The following PHKB variants were observed in gnomAD, a reference collection of about 807,000 sequenced individuals.
PHKB encodes the protein phosphorylase kinase regulatory subunit beta.
Under a neutral mutation model 152.1 loss-of-function variants are expected in PHKB, and 122 were observed. The observed-to-expected ratio is 0.80, with a 90% confidence interval of 0.69 to 0.93. The LOEUF is 0.93. Among genes scored for constraint, PHKB ranks in the 40% least tolerant of loss-of-function variants. The pLI is 0.00. For missense variants in PHKB, 1,304 were observed against 1,328.4 expected, an observed-to-expected ratio of 0.98 and a Z score of 0.29; for synonymous variants, 436 against 464.9, an observed-to-expected ratio of 0.94 and a Z score of 0.80.
intron 20 of PHKB, among the ~76,000 whole-genome samples, chr16:47,654,805 G>T (rs1168745418): frequency 2.0e-5 from 3 of 147,830 alleles, no homozygotes; most frequent in Admixed American, 1.4e-4. Flanking sequence ...CCTGTTGTGT[G>T]GTGGGGGGAG....
chr16:47,636,737 C>T (rs2151724075), intron 14 of PHKB, among the ~76,000 whole-genome samples: 1 of 152,300 alleles, frequency 6.6e-6, no homozygotes, highest in East Asian at 1.9e-4. Flanking sequence ...TTGTTGTGGG[C>T]CTGCAGGTAT....
intron 26 of PHKB, among the ~76,000 whole-genome samples, chr16:47,679,460 T>C (rs1046099098): frequency 6.6e-6 from 1 of 152,214 alleles, no homozygotes; most frequent in East Asian, 1.9e-4. Context: ...CAGTGGTTTG[T>C]AGTTCTCCTT....
intron 13 of PHKB, among the ~76,000 whole-genome samples, chr16:47,602,670 C>A (rs184824662): frequency 1.3e-5 from 2 of 151,522 alleles, no homozygotes; most frequent in East Asian, 3.9e-4. Context: ...CCACTTACTA[C>A]CTGTGTGATC....
At chr16:47,526,143 C>G (rs1970762513) in intron 6 of PHKB, among the ~76,000 whole-genome samples, 2 of 152,148 alleles carry the variant, frequency 1.3e-5, no homozygotes, top group African/African-American at 4.8e-5. Flanking sequence ...GGTGCGGTGG[C>G]TCATGCCCGT....
chr16:47,465,491 G>A (rs1010113212), intron 1 of PHKB, among the ~76,000 whole-genome samples: 1 of 152,118 alleles, frequency 6.6e-6, no homozygotes, highest in Non-Finnish European at 1.5e-5. Flanking sequence ...GAAATAGAAT[G>A]CACCAAGAAA....
At chr16:47,602,558 T>C (rs1369112394) in intron 13 of PHKB, among the ~76,000 whole-genome samples, 3 of 150,432 alleles carry the variant, frequency 2.0e-5, no homozygotes, top group Non-Finnish European at 4.4e-5. Context: ...TTTTTTTTTT[T>C]TTTTCTTTTC....
At chr16:47,655,892 TTTC>T (rs946724461) in intron 20 of PHKB, among the ~76,000 whole-genome samples, 18 of 152,252 alleles carry the variant, frequency 1.2e-4, no homozygotes, top group African/African-American at 2.4e-5. Flanking sequence ...CTTTCATCAC[TTTC>T]TTTTCAGCAG....
chr16:47,564,994 A>G, intron 7 of PHKB: 1 of 200,940 alleles, frequency 5.0e-6, no homozygotes, highest in Non-Finnish European at 1.0e-5. Flanking sequence ...GGTGAGTTTT[A>G]TTTTGTCTTG....
intron 7 of PHKB, among the ~76,000 whole-genome samples, chr16:47,576,200 C>G (rs1971746829): frequency 6.6e-6 from 1 of 152,178 alleles, no homozygotes; most frequent in African/African-American, 2.4e-5. Context: ...AAGAAAGACA[C>G]ATCATTAAAG....
intron 26 of PHKB, among the ~76,000 whole-genome samples, chr16:47,676,786 T>C (rs1465401088): frequency 6.6e-6 from 1 of 152,252 alleles, no homozygotes; most frequent in Non-Finnish European, 1.5e-5. Flanking sequence ...TGATTTGTGC[T>C]TCAGCTTTCC....
chr16:47,486,586 AT>A (rs1227307052), intron 1 of PHKB, among the ~76,000 whole-genome samples: 1 of 152,130 alleles, frequency 6.6e-6, no homozygotes, highest in Non-Finnish European at 1.5e-5. Context: ...GATAGACTGT[AT>A]GTTCATATAC....
At position 47,699,794 on chromosome 16, in the gene PHKB, G is replaced by A. The variant is rs957996271; in HGVS notation, c.*428G>A. ...CTGAAAGAATGGTGAACTTCTCTTA[G>A]TGGTATTGTCATGCTAAAAGATGTT... On this transcript the variant is annotated 3_prime_UTR_variant, in exon 31 of 31. Coordinates refer to ENST00000323584, the MANE Select transcript of PHKB (RefSeq NM_000293.3). 4.2e-6 allele frequency: 1 copy of A among 239,948 alleles called. No homozygotes were observed. Among genetic ancestry groups the A allele is most frequent in the South Asian group, 5.7e-5 (1 of 17,416 alleles). The allele number at this position is 239,948 out of a possible 1,614,324, so 14.9% of individuals were successfully genotyped here.
intron 26 of PHKB, among the ~76,000 whole-genome samples, chr16:47,671,865 A>G (rs1282413438): frequency 6.6e-6 from 1 of 152,190 alleles, no homozygotes; most frequent in Non-Finnish European, 1.5e-5. Flanking sequence ...CCTACAGTGA[A>G]CAAGATAAAG....
At chr16:47,554,117 C>T (rs757816942) in intron 7 of PHKB, among the ~76,000 whole-genome samples, 21 of 152,326 alleles carry the variant, frequency 1.4e-4, no homozygotes, top group South Asian at 2.1e-4. Flanking sequence ...GCTGAAGCTG[C>T]GCCCACAGCT....
At chr16:47,628,611 A>G (rs1307200119) in intron 14 of PHKB, among the ~76,000 whole-genome samples, 3 of 152,258 alleles carry the variant, frequency 2.0e-5, no homozygotes, top group Non-Finnish European at 4.4e-5. Context: ...TGAGCTTTAC[A>G]TGCTATATGA....
intron 4 of PHKB, among the ~76,000 whole-genome samples, chr16:47,508,377 A>G (rs1049621901): frequency 3.9e-5 from 6 of 152,182 alleles, no homozygotes; most frequent in Non-Finnish European, 8.8e-5. Flanking sequence ...TTCAATCTGC[A>G]ATTAGTTTGG....
At chr16:47,600,107 G>GT (rs1972195530) in intron 13 of PHKB, among the ~76,000 whole-genome samples, 1 of 152,096 alleles carries the variant, frequency 6.6e-6, no homozygotes, top group African/African-American at 2.4e-5. Context: ...ATTCAGGCCA[G>GT]TTTGTATCTC....
intron 6 of PHKB, among the ~76,000 whole-genome samples, chr16:47,541,010 A>G (rs1971048129): frequency 6.6e-6 from 1 of 150,830 alleles, no homozygotes; most frequent in Non-Finnish European, 1.5e-5. Context: ...ATTTTTTTTT[A>G]TTATACTTTA....
At chr16:47,565,163 G>A (rs1345590093) in intron 7 of PHKB, 2 of 559,136 alleles carry the variant, frequency 3.6e-6, no homozygotes, top group Non-Finnish European at 7.0e-6. Context: ...ACTGAACTTG[G>A]AAGCTAGATT....
Sources: gnomAD v4.1 joint callset for allele counts (sites outside exome capture counted in the v4.1 genomes callset) on GRCh38, gnomAD v4.1.1 for gene constraint, MANE v1.5 for transcripts, NCBI Gene and HGNC (gene_info 2026-07-23, HGNC 2026-07-21) for gene names.